The following ADAMTSL1 variants were observed in gnomAD, a reference collection of about 807,000 sequenced individuals.
ADAMTSL1 encodes the protein ADAMTS-like protein 1.
In ADAMTSL1, 126 loss-of-function variants were observed where a neutral mutation model predicts 201.8. That is an observed-to-expected ratio of 0.62 (90% CI 0.54 to 0.72). The LOEUF (loss-of-function observed/expected upper bound fraction) is 0.72, where lower values mean the gene tolerates loss of function less well. Among genes scored for constraint, ADAMTSL1 ranks in the 30% least tolerant of loss-of-function variants. The pLI is 0.00. For missense variants in ADAMTSL1, 2,679 were observed against 2,277.8 expected (o/e 1.18, Z -3.59); for synonymous variants, 1,121 against 903.4 (o/e 1.24, Z -4.32).
intron 1 of ADAMTSL1, among the ~76,000 whole-genome samples, chr9:18,122,757 CA>C (rs1233655097): frequency 4.6e-5 from 7 of 152,108 alleles, no homozygotes; most frequent in Non-Finnish European, 8.8e-5. Context: ...AGAAGCTGTA[CA>C]ACTGGGCAGG....
chr9:18,512,440 TA>T (rs908238542), intron 2 of ADAMTSL1, among the ~76,000 whole-genome samples: 70 of 147,818 alleles, frequency 4.7e-4, no homozygotes, highest in East Asian at 9.8e-4. Context: ...TTCTGTTTAT[TA>T]AAAAAAAAAA....
At chr9:18,395,893 C>G (rs1341264758) in intron 2 of ADAMTSL1, among the ~76,000 whole-genome samples, 1 of 152,174 alleles carries the variant, frequency 6.6e-6, no homozygotes, top group East Asian at 1.9e-4. Context: ...ATATATACAT[C>G]AAAGAGGAAG....
rs541932283 is a variant in ADAMTSL1 at position 18,060,573 on chromosome 9, T to C, written c.88-103289T>C. On this transcript the variant is annotated intron_variant, in intron 1 of 29. Transcript: ENST00000680146. ...ATTTGGCAAAGAAACAAGAAATGTC[T>C]ATCATTTATTTCTTATTATGCTCTG... Among the ~76,000 whole-genome samples, 66 of 152,310 alleles carry C rather than the reference T, an allele frequency of 4.3e-4. 1 individual carries two copies. Among genetic ancestry groups the C allele is most frequent in the Admixed American group, 2.0e-3 (30 of 15,294 alleles).
intron 2 of ADAMTSL1, among the ~76,000 whole-genome samples, chr9:18,164,183 T>G (rs1827531579): frequency 6.6e-6 from 1 of 151,968 alleles, no homozygotes; most frequent in Admixed American, 6.6e-5. Context: ...TCTGGCAAGA[T>G]TTAAACATTT....
At chr9:18,036,644 A>G (rs1353323895) in intron 1 of ADAMTSL1, among the ~76,000 whole-genome samples, 3 of 152,206 alleles carry the variant, frequency 2.0e-5, no homozygotes, top group African/African-American at 7.2e-5. Flanking sequence ...GATCAGTGAC[A>G]CATACTGGGG....
intron 19 of ADAMTSL1, among the ~76,000 whole-genome samples, chr9:18,787,367 A>G (rs904979844): frequency 7.9e-5 from 12 of 152,188 alleles, no homozygotes; most frequent in African/African-American, 2.9e-4. Context: ...GGAGGATAGT[A>G]GACAACCAGT....
At chr9:18,050,235 CTAG>C (rs1237258857) in intron 1 of ADAMTSL1, among the ~76,000 whole-genome samples, 1 of 152,124 alleles carries the variant, frequency 6.6e-6, no homozygotes, top group Non-Finnish European at 1.5e-5. Context: ...TAAGAATTAA[CTAG>C]TAGATTTTGA....
At chr9:18,295,336 C>T (rs899230573) in intron 2 of ADAMTSL1, among the ~76,000 whole-genome samples, 7 of 150,666 alleles carry the variant, frequency 4.6e-5, no homozygotes, top group Admixed American at 1.3e-4. Flanking sequence ...TGACTGCAAC[C>T]GTTATTCATT....
chr9:18,026,723 A>G (rs1820712229), intron 1 of ADAMTSL1, among the ~76,000 whole-genome samples: 1 of 152,064 alleles, frequency 6.6e-6, no homozygotes, highest in Non-Finnish European at 1.5e-5. Context: ...GCTTTGTAGA[A>G]TGAGTTAGAG....
At chr9:17,948,034 A>C (rs937526560) in intron 1 of ADAMTSL1, among the ~76,000 whole-genome samples, 8 of 152,078 alleles carry the variant, frequency 5.3e-5, no homozygotes, top group Non-Finnish European at 1.2e-4. Context: ...TGGGTGGTAA[A>C]TGTCGACAAG....
In ADAMTSL1 at chr9:18,343,033, TG is replaced by T. The variant is rs1283858692; in HGVS notation, c.208-161795del. On this transcript the variant is annotated intron_variant, in intron 2 of 29. Transcript: ENST00000680146. ...TTAAAAAATGTGGGTTTTTTTGTTT[TG>T]TTTTTTTTTTGCCAAGGTTAGTAAC... 9.2e-5 allele frequency among the ~76,000 whole-genome samples: 14 copies of T among 151,708 alleles called. No individual in the cohort carries two copies. The East Asian group carries it at 9.7e-4, about 11-fold the overall frequency.
intron 1 of ADAMTSL1, among the ~76,000 whole-genome samples, chr9:17,919,578 A>G (rs542054493): frequency 2.0e-5 from 3 of 152,172 alleles, no homozygotes; most frequent in East Asian, 3.9e-4. Context: ...TAATATGTGG[A>G]CTTTTGTGAC....
chr9:18,060,638 A>G (rs1822406842), intron 1 of ADAMTSL1, among the ~76,000 whole-genome samples: 2 of 152,098 alleles, frequency 1.3e-5, no homozygotes, highest in South Asian at 4.1e-4. Context: ...AACAATAAAC[A>G]CTTTTATTTT....
intron 2 of ADAMTSL1, among the ~76,000 whole-genome samples, chr9:18,226,231 G>T (rs1830431047): frequency 6.6e-6 from 1 of 152,012 alleles, no homozygotes; most frequent in Non-Finnish European, 1.5e-5. Context: ...CTGTTGTTTA[G>T]TTGTATTGCT....
At chr9:18,359,594 G>A (rs889147031) in intron 2 of ADAMTSL1, among the ~76,000 whole-genome samples, 2 of 152,142 alleles carry the variant, frequency 1.3e-5, no homozygotes, top group Admixed American at 6.5e-5. Flanking sequence ...AATGTCTGCT[G>A]TAGAAAATTA....
chr9:18,601,663 G>A (rs528524552), intron 4 of ADAMTSL1, among the ~76,000 whole-genome samples: 4 of 152,116 alleles, frequency 2.6e-5, no homozygotes, highest in East Asian at 1.9e-4. Flanking sequence ...TAGGGATTTG[G>A]TCTATATGAA....
intron 23 of ADAMTSL1, among the ~76,000 whole-genome samples, chr9:18,885,863 G>C (rs1828818623): frequency 6.6e-6 from 1 of 152,074 alleles, no homozygotes; most frequent in African/African-American, 2.4e-5. Context: ...TAGAAGGCCT[G>C]CCGCACAATC....
rs2132785503 is a variant in ADAMTSL1 at position 18,310,382 on chromosome 9, A to AC, written c.207+146401_207+146402insC. Among the ~76,000 whole-genome samples the AC allele has an allele frequency of 1.6e-5, 2 of 124,368 alleles. 1 individual carries two copies. The highest frequency in any genetic ancestry group is 4.9e-4 in the South Asian group (2 of 4,052). The allele number at this position is 124,368 out of a possible 152,430, so 81.6% of individuals were successfully genotyped here. A position where few individuals can be genotyped will look rare whatever the true frequency, so the allele number is the denominator to read the frequency against. ...GCTTCTGCATAGCAAAAAAAAAAAAAAAAAAAAAAAAAAAAAACTATCTTC... is the reference window on the plus strand; with the variant it reads ...GCTTCTGCATAGCAAAAAAAAAAAAACAAAAAAAAAAAAAAAAACTATCTTC... On this transcript the variant is annotated intron_variant, in intron 2 of 29. Transcript: ENST00000680146.
intron 20 of ADAMTSL1, among the ~76,000 whole-genome samples, chr9:18,812,447 T>A (rs1054000294): frequency 6.6e-6 from 1 of 152,110 alleles, no homozygotes; most frequent in Non-Finnish European, 1.5e-5. Context: ...TCAAAATATA[T>A]CACAGACTTA....
Sources: gnomAD v4.1 joint callset for allele counts (sites outside exome capture counted in the v4.1 genomes callset) on GRCh38, gnomAD v4.1.1 for gene constraint, MANE v1.5 for transcripts, NCBI Gene and HGNC (gene_info 2026-07-23, HGNC 2026-07-21) for gene names.